The following TRIM66 variants were observed in gnomAD, a reference collection of about 807,000 sequenced individuals.
TRIM66 encodes the protein tripartite motif containing 66, also known as tripartite motif-containing protein 66.
In TRIM66, 99 loss-of-function variants were observed where a neutral mutation model predicts 148.2. That is an observed-to-expected ratio of 0.67 (90% confidence interval 0.57 to 0.79). The LOEUF is 0.79. TRIM66 is among the 30% of genes least tolerant of loss of function. TRIM66 has a pLI of 0.00. For missense variants in TRIM66, 1,666 were observed against 1,697.9 expected, an observed-to-expected ratio of 0.98 and a Z score of 0.33; for synonymous variants, 616 against 635.9, an observed-to-expected ratio of 0.97 and a Z score of 0.47.
rs1423830765 is a variant in TRIM66 at position 8,640,967 on chromosome 11, A to G, written c.1408T>C (p.Cys470Arg). ...TTGAGGGAAGGCGAGACTGGGGAGC[A>G]GTGGGAGCAGCACACAGATGAGGAG... is the stretch of plus-strand genomic sequence containing the variant. ...VCSSSVCCSH[C>R]SPVSPSLKGQ... is the part of the protein sequence containing the mutation. Residue 470 changes from cysteine to arginine, a missense_variant, in exon 14 of 25, where the codon TGC becomes CGC. Physicochemically the swap from Cys to Arg is radical, Grantham distance 180 (BLOSUM62 -3). Coordinates refer to ENST00000646038, the MANE Select transcript of TRIM66 (RefSeq NM_001388022.1). 7 of 1,551,252 alleles carry G rather than the reference A, an allele frequency of 4.5e-6. No individual in the cohort carries two copies. In the Admixed American group the frequency reaches 9.8e-5, roughly 22 times the overall value.
chr11:8,638,753 AG>A lies in TRIM66; in HGVS notation c.2210del (p.Thr737MetfsTer32). 5 of 1,551,296 alleles carry A rather than the reference AG, an allele frequency of 3.2e-6. No homozygotes were observed. Among genetic ancestry groups the A allele is most frequent in the Non-Finnish European group, 4.4e-6 (5 of 1,146,798 alleles). The stretch of plus-strand genomic sequence containing the variant: ...CAGACGCCTGGGGCAAGGCAGCAGC[AG>A]TATTCTTGTCAAGAGGGAGAGCCGG... ...SKPALPLDKNTAAALPQASGE... is the reference protein window; with the variant it reads ...SKPALPLDKNXAAALPQASGE... On this transcript the variant is annotated frameshift_variant, in exon 15 of 25. Transcript: ENST00000646038. LOFTEE classifies it high-confidence loss of function.
At position 8,640,473 on chromosome 11, in the gene TRIM66, A is replaced by T; in HGVS notation, c.1902T>A (p.Ala634=). ...CAGGAGGGCTCTCGTGCTGACTAGA[A>T]GCCAGATGCTGGGATGGAGGAAGAG... ...HPPLPPSQHL[A]SSQHESPPGP... Residue 634 remains alanine, a synonymous_variant, in exon 14 of 25, where the codon GCT becomes GCA. Coordinates refer to ENST00000646038, the MANE Select transcript of TRIM66 (RefSeq NM_001388022.1). The T allele has an allele frequency of 6.7e-7, 1 of 1,500,920 alleles. No individual in the cohort carries two copies. The highest frequency in any genetic ancestry group is 8.9e-7 in the Non-Finnish European group (1 of 1,117,736). The allele number at this position is 1,500,920 out of a possible 1,614,324, so 93.0% of individuals were successfully genotyped here.
chr11:8,666,215 T>C (rs986415731), intron 6 of TRIM66, among the ~76,000 whole-genome samples: 22 of 151,592 alleles, frequency 1.5e-4, no homozygotes, highest in Non-Finnish European at 3.1e-4. Flanking sequence ...GGTGGGCACC[T>C]GTAATTCTAG....
chr11:8,629,491 C>T (rs529719916), intron 15 of TRIM66, among the ~76,000 whole-genome samples: 2 of 152,154 alleles, frequency 1.3e-5, no homozygotes, highest in Non-Finnish European at 2.9e-5. Flanking sequence ...AGGTGCCATA[C>T]GTCACAAGAT....
intron 10 of TRIM66, 112 bp downstream of exon 10, chr11:8,647,858 G>A (rs751642990): frequency 2.5e-5 from 21 of 837,770 alleles, no homozygotes; most frequent in Non-Finnish European, 3.9e-5. Flanking sequence ...GCCCACATCT[G>A]CTTAACCACA....
chr11:8,678,175 C>T (rs1012815568), intron 3 of TRIM66: 1 of 152,128 alleles, frequency 6.6e-6, no homozygotes, highest in Non-Finnish European at 1.5e-5. Flanking sequence ...TTATCCTAGA[C>T]AAGTTATTCA....
At chr11:8,666,899 T>C (rs2038635738) in intron 6 of TRIM66, among the ~76,000 whole-genome samples, 1 of 152,188 alleles carries the variant, frequency 6.6e-6, no homozygotes, top group African/African-American at 2.4e-5. Flanking sequence ...AACCTCCACT[T>C]CCTGGGTTCA....
Position 8,651,038 on chromosome 11 carries a change from C to T in TRIM66, c.444+762G>A, listed in dbSNP as rs1026583425. 1.2e-4 allele frequency among the ~76,000 whole-genome samples: 19 copies of T among 152,102 alleles called. 1 individual carries two copies. Among genetic ancestry groups the T allele is most frequent in the African/African-American group, 3.9e-4 (16 of 41,422 alleles). On this transcript the variant is annotated intron_variant, in intron 7 of 24. Coordinates refer to ENST00000646038, the MANE Select transcript of TRIM66 (RefSeq NM_001388022.1). ...TCATTTCGTAAGCAAATATCTTGCCCGGGCTATTATAAAACATCAAGAGAA... is the reference window on the plus strand; with the variant it reads ...TCATTTCGTAAGCAAATATCTTGCCTGGGCTATTATAAAACATCAAGAGAA...
At chr11:8,638,249 G>A (rs1054578429) in intron 15 of TRIM66, among the ~76,000 whole-genome samples, 5 of 152,172 alleles carry the variant, frequency 3.3e-5, no homozygotes, top group African/African-American at 9.7e-5. Context: ...CAGCTCTCTC[G>A]TCTACTAGCT....
At position 8,621,807 on chromosome 11, in the gene TRIM66, A is replaced by T; in HGVS notation, c.3093T>A (p.Ser1031Arg). The change falls in exon 19 of 25, where the codon AGT (serine) becomes AGA (arginine). Residue 1031 changes from serine to arginine, a missense_variant. By Grantham distance (110) the Ser-to-Arg change is moderately radical. Transcript: ENST00000646038. ...KENQSIRAFN[S>R]EHKIPYVRLE... ...GTCGCACATAGGGAATCTTATGCTC[A>T]CTATTGAAGGCTCTGCAGCAAGACA... is the stretch of plus-strand genomic sequence containing the variant. The T allele has an allele frequency of 3.2e-6, 5 of 1,546,510 alleles. No homozygotes were observed. The highest frequency in any genetic ancestry group is 4.4e-6 in the Non-Finnish European group (5 of 1,145,094).
intron 4 of TRIM66, among the ~76,000 whole-genome samples, chr11:8,672,663 C>G (rs574902084): frequency 2.0e-5 from 3 of 149,270 alleles, no homozygotes; most frequent in African/African-American, 7.4e-5. Context: ...CTCTGTGGCC[C>G]AGGCTGGAGT....
intron 15 of TRIM66, among the ~76,000 whole-genome samples, chr11:8,634,882 G>C (rs2035744281): frequency 6.6e-6 from 1 of 152,182 alleles, no homozygotes; most frequent in Non-Finnish European, 1.5e-5. Context: ...GGTGCCACAG[G>C]TTCTTCTGGT....
At chr11:8,632,312 A>T (rs112305581) in intron 15 of TRIM66, among the ~76,000 whole-genome samples, 26 of 152,220 alleles carry the variant, frequency 1.7e-4, no homozygotes, top group African/African-American at 6.0e-4. Flanking sequence ...CATCTCAAAA[A>T]ATAAATAAAT....
intron 15 of TRIM66, among the ~76,000 whole-genome samples, chr11:8,636,889 A>G (rs1334811169): frequency 6.6e-6 from 1 of 152,106 alleles, no homozygotes; most frequent in Non-Finnish European, 1.5e-5. Flanking sequence ...TCTGGTTTCA[A>G]TCCATCCCAT....
chr11:8,668,465 C>A (rs2038733458), intron 6 of TRIM66, among the ~76,000 whole-genome samples: 1 of 152,170 alleles, frequency 6.6e-6, no homozygotes, highest in African/African-American at 2.4e-5. Context: ...CAGCCTCACT[C>A]ATGGCTGGCA....
intron 22 of TRIM66, 89 bp from the exon 23 acceptor site, chr11:8,619,624 G>A: frequency 8.7e-6 from 11 of 1,259,728 alleles, no homozygotes; most frequent in Non-Finnish European, 1.2e-5. Context: ...AATGGAAAAT[G>A]AGGTGAAATA....
At chr11:8,623,677 A>T (rs1400242051) in intron 17 of TRIM66, among the ~76,000 whole-genome samples, 2 of 152,222 alleles carry the variant, frequency 1.3e-5, no homozygotes, top group Non-Finnish European at 2.9e-5. Flanking sequence ...CTTCCCAACT[A>T]GCCCTCACCT....
At chr11:8,644,423 T>C (rs776745526) in intron 12 of TRIM66, 27 of 454,584 alleles carry the variant, frequency 5.9e-5, no homozygotes, top group Non-Finnish European at 1.1e-4. Flanking sequence ...CCTCTTATTA[T>C]CACCTCCTAT....
At chr11:8,669,292 A>G (rs2038788645) in intron 6 of TRIM66, among the ~76,000 whole-genome samples, 1 of 152,208 alleles carries the variant, frequency 6.6e-6, no homozygotes, top group African/African-American at 2.4e-5. Flanking sequence ...CATACTGTCA[A>G]TACTGCTGAA....
Sources: allele counts gnomAD v4.1 joint callset (sites outside exome capture counted in the v4.1 genomes callset), GRCh38; gene constraint gnomAD v4.1.1; transcripts MANE v1.5; gene names NCBI Gene and HGNC (gene_info 2026-07-23, HGNC 2026-07-21).